The following HOGA1 variants were observed in gnomAD, a reference collection of about 807,000 sequenced individuals.
HOGA1 encodes 4-hydroxy-2-oxoglutarate aldolase 1, also known as 4-hydroxy-2-oxoglutarate aldolase, mitochondrial.
A neutral mutation model predicts 34.3 loss-of-function variants in HOGA1; 30 were observed. The ratio of observed to expected loss-of-function variants is 0.87; its 90% CI spans 0.65 to 1.19. The LOEUF (loss-of-function observed/expected upper bound fraction) is 1.19, where lower values mean the gene tolerates loss of function less well. HOGA1 is among the 50% of genes most tolerant of loss of function. The probability of loss-of-function intolerance (pLI) is 0.00; values close to 1 mark genes in which losing one functional copy is unlikely to be tolerated. For synonymous variants in HOGA1, 161 were observed against 174.0 expected (o/e 0.93, Z 0.59); for missense variants, 417 against 436.5 (o/e 0.96, Z 0.40).
intron 1 of HOGA1, among the ~76,000 whole-genome samples, chr10:97,585,826 G>A (rs896640134): frequency 2.6e-5 from 4 of 152,234 alleles, no homozygotes; most frequent in African/African-American, 7.2e-5. Flanking sequence ...TATTGAGGCA[G>A]TATCGTGTAG....
chr10:97,600,193 TG>T, intron 5 of HOGA1, 30 bp downstream of exon 5: 3 of 1,579,050 alleles, frequency 1.9e-6, no homozygotes, highest in Non-Finnish European at 2.6e-6. Context: ...CAAATTGTCA[TG>T]GGTGACCAAG....
Position 97,611,734 on chromosome 10 carries a change from C to A in HOGA1, c.*75C>A. The A allele has an allele frequency of 6.6e-7, 1 of 1,523,938 alleles. No homozygotes were observed. The highest frequency in any genetic ancestry group is 8.9e-7 in the Non-Finnish European group (1 of 1,127,984). The allele number at this position is 1,523,938 out of a possible 1,614,324, so 94.4% of individuals were successfully genotyped here. A position where few individuals can be genotyped will look rare whatever the true frequency, so the allele number is the denominator to read the frequency against. On this transcript the variant is annotated 3_prime_UTR_variant, in exon 7 of 7. Transcript: ENST00000370646. Reference sequence around the variant, plus strand: ...TGCACTTGCAGCCTGAAGCGGAGAGCACAGGGGGATGAGGGTGGCAGGCAG... The same window carrying A: ...TGCACTTGCAGCCTGAAGCGGAGAGAACAGGGGGATGAGGGTGGCAGGCAG...
At chr10:97,606,880 T>A (rs976767968) in intron 6 of HOGA1, among the ~76,000 whole-genome samples, 3 of 152,168 alleles carry the variant, frequency 2.0e-5, no homozygotes, top group African/African-American at 7.2e-5. Flanking sequence ...TCCTTGAACA[T>A]GGTACATTTC....
intron 1 of HOGA1, among the ~76,000 whole-genome samples, chr10:97,588,067 C>CG (rs2040984502): frequency 2.6e-5 from 4 of 152,172 alleles, no homozygotes; most frequent in Admixed American, 2.6e-4. Context: ...CTGCCTCTGC[C>CG]TCCCAAAATG....
Position 97,602,121 on chromosome 10 carries a change from C to A in HOGA1, c.834+131C>A, listed in dbSNP as rs554451857. On this transcript the variant is annotated intron_variant, in intron 6 of 6. Coordinates refer to ENST00000370646, the MANE Select transcript of HOGA1 (RefSeq NM_138413.4). ...TTCAGAAAATCCTTTGAGAGAACAT[C>A]CCAGTGTGGGAACTCCTTGTGACTC... The A allele has an allele frequency of 9.7e-5, 150 of 1,549,758 alleles. 2 individuals carry two copies. In the East Asian group the frequency reaches 2.8e-3, roughly 29 times the overall value.
At chr10:97,611,399 C>T in intron 6 of HOGA1, 111 bp from the exon 7 acceptor site, 1 of 1,290,430 alleles carries the variant, frequency 7.7e-7, no homozygotes, top group Non-Finnish European at 1.1e-6. Context: ...CAGTTACTTT[C>T]CTGGGGGAAG....
chr10:97,586,067 G>A lies in HOGA1; in HGVS notation c.211+1153G>A, dbSNP rs183840248. On this transcript the variant is annotated intron_variant, in intron 1 of 6. Coordinates refer to ENST00000370646, the MANE Select transcript of HOGA1 (RefSeq NM_138413.4). Reference sequence around the variant, plus strand: ...CAGGAGAATCGCTTGAACCCGGGAGGCAGAGATTGCAGTGAGCTGAGATCA... The same window carrying A: ...CAGGAGAATCGCTTGAACCCGGGAGACAGAGATTGCAGTGAGCTGAGATCA... Among the ~76,000 whole-genome samples the A allele has an allele frequency of 1.0e-3, 158 of 151,428 alleles. 1 individual carries two copies. Among genetic ancestry groups the A allele is most frequent in the African/African-American group, 3.8e-3 (156 of 41,178 alleles).
intron 1 of HOGA1, chr10:97,590,047 C>A (rs2041005976): frequency 6.2e-7 from 1 of 1,614,162 alleles, no homozygotes; most frequent in African/African-American, 1.3e-5. Flanking sequence ...TGGCCCTCGA[C>A]AACAATGCCA....
At chr10:97,594,605 G>A (rs966734331) in intron 1 of HOGA1, among the ~76,000 whole-genome samples, 23 of 151,694 alleles carry the variant, frequency 1.5e-4, no homozygotes, top group African/African-American at 5.3e-4. Context: ...CGCCCGCCTC[G>A]GCGTCCCAAA....
At chr10:97,590,053 T>G (rs1427228616) in intron 1 of HOGA1, 1 of 1,614,004 alleles carries the variant, frequency 6.2e-7, no homozygotes, top group Admixed American at 1.7e-5. Flanking sequence ...TCGACAACAA[T>G]GCCAGCGCTA....
rs560826834 is a variant in HOGA1, at chr10:97,587,930, C to T, written c.211+3016C>T. On this transcript the variant is annotated intron_variant, in intron 1 of 6. Coordinates refer to ENST00000370646, the MANE Select transcript of HOGA1 (RefSeq NM_138413.4). ...GACTAAAGCAATCTGCCCATCTCAG[C>T]CTCCCGAGTAGCTGGGACCAAAGGT... Among the ~76,000 whole-genome samples, 475 of 152,118 alleles carry T rather than the reference C, an allele frequency of 3.1e-3. 1 individual carries two copies. Among genetic ancestry groups the T allele is most frequent in the Non-Finnish European group, 5.3e-3 (362 of 67,996 alleles).
intron 6 of HOGA1, among the ~76,000 whole-genome samples, chr10:97,604,627 A>G (rs1199054729): frequency 6.7e-6 from 1 of 150,340 alleles, no homozygotes; most frequent in South Asian, 2.2e-4. Flanking sequence ...GGCCCCCCAC[A>G]GTATGTTTAA....
rs1326974896 is a variant in HOGA1, at chr10:97,599,788, G to A, written c.577G>A (p.Val193Met). Residue 193 changes from valine (V) to methionine (M), a missense_variant, in exon 4 of 7, where the codon GTG becomes ATG. By Grantham distance (21) the Val-to-Met change is conservative (BLOSUM62 1). Transcript: ENST00000370646. ...CACGCTTTCCCAGCACCCGAATATTGTGGGCATGAAGGACAGCGGTGGTGA... is the reference window on the plus strand; with the variant it reads ...CACGCTTTCCCAGCACCCGAATATTATGGGCATGAAGGACAGCGGTGGTGA... ...VVTLSQHPNI[V>M]GMKDSGGDVT... The A allele has an allele frequency of 6.2e-7, 1 of 1,614,198 alleles. No individual in the cohort carries two copies. Among genetic ancestry groups the A allele is most frequent in the South Asian group, 1.1e-5 (1 of 91,078 alleles).
At chr10:97,599,287 G>A (rs1177867873) in intron 3 of HOGA1, 71 bp downstream of exon 3, 2 of 1,581,944 alleles carry the variant, frequency 1.3e-6, no homozygotes, top group African/African-American at 1.3e-5. Context: ...TGGGAATAGG[G>A]TGGTGCTTCA....
chr10:97,594,258 C>A (rs557183338), intron 1 of HOGA1, among the ~76,000 whole-genome samples: 1 of 150,244 alleles, frequency 6.7e-6, no homozygotes, highest in Non-Finnish European at 1.5e-5. Flanking sequence ...TCACTGCAAC[C>A]TCCACCTCCC....
intron 1 of HOGA1, among the ~76,000 whole-genome samples, chr10:97,585,813 T>C (rs982787314): frequency 1.3e-5 from 2 of 152,186 alleles, no homozygotes; most frequent in African/African-American, 4.8e-5. Flanking sequence ...TTGTTGTGGC[T>C]GCTATTGAGG....
intron 1 of HOGA1, among the ~76,000 whole-genome samples, chr10:97,587,004 A>T (rs956751949): frequency 3.3e-5 from 5 of 152,194 alleles, no homozygotes; most frequent in Non-Finnish European, 5.9e-5. Flanking sequence ...TTTCAAATCC[A>T]GTCCTCATTT....
intron 1 of HOGA1, among the ~76,000 whole-genome samples, chr10:97,588,406 T>G (rs930529459): frequency 2.6e-5 from 4 of 152,102 alleles, no homozygotes; most frequent in African/African-American, 9.7e-5. Context: ...AGATGGGGTT[T>G]CACCGTGTTA....
At chr10:97,597,235 G>T in intron 1 of HOGA1, among the ~76,000 whole-genome samples, 1 of 151,684 alleles carries the variant, frequency 6.6e-6, no homozygotes, top group Non-Finnish European at 1.5e-5. Context: ...GTAAAGTCAG[G>T]GTCTCACTTT....
Sources: gnomAD v4.1 joint callset for allele counts (sites outside exome capture counted in the v4.1 genomes callset) on GRCh38, gnomAD v4.1.1 for gene constraint, MANE v1.5 for transcripts, NCBI Gene and HGNC (gene_info 2026-07-23, HGNC 2026-07-21) for gene names.